The following APC2 variants were observed in gnomAD, a reference collection of about 807,000 sequenced individuals.
APC2 encodes the protein adenomatous polyposis coli protein 2.
APC2 carries 41 observed loss-of-function variants against 72.5 expected under a neutral mutation model. The observed-to-expected ratio is 0.57, with a 90% CI of 0.44 to 0.73. The LOEUF is 0.73. APC2 is among the 30% of genes least tolerant of loss of function. APC2 has a pLI of 0.00. For missense variants in APC2, 3,729 were observed against 3,403.4 expected, an observed-to-expected ratio of 1.10 and a Z score of -2.38; for synonymous variants, 1,898 against 1,612.0, an observed-to-expected ratio of 1.18 and a Z score of -4.25.
chr19:1,458,927 G>A (rs893051991), intron 10 of APC2, among the ~76,000 whole-genome samples: 9 of 151,972 alleles, frequency 5.9e-5, no homozygotes, highest in Admixed American at 2.0e-4. Context: ...CGGGTGATCC[G>A]CCCACCTCGG....
chr19:1,463,711 C>T (rs969077793), intron 14 of APC2, among the ~76,000 whole-genome samples: 12 of 151,980 alleles, frequency 7.9e-5, no homozygotes, highest in Admixed American at 7.2e-4. Context: ...GATCACGCTA[C>T]TGCACTCCAG....
chr19:1,463,775 ATAAC>A (rs1406819258), intron 14 of APC2, among the ~76,000 whole-genome samples: 1 of 152,066 alleles, frequency 6.6e-6, no homozygotes, highest in African/African-American at 2.4e-5. Flanking sequence ...TCATATTAAT[ATAAC>A]TGTCTTCATT....
chr19:1,467,893 C>T lies in APC2; in HGVS notation c.4592C>T (p.Ser1531Leu), dbSNP rs1044001898. The T allele has an allele frequency of 3.8e-6, 6 of 1,580,612 alleles. No homozygotes were observed. In the African/African-American group the frequency reaches 5.5e-5, roughly 14 times the overall value. ...CCCACGCCAACCCACCGGCGCACAT[C>T]GGCCATCCCTCGCGCTTTTACGCGG... Reference protein sequence around the residue: ...AAPTPTHRRTSAIPRAFTRER... With the variant: ...AAPTPTHRRTLAIPRAFTRER... The change falls in exon 15 of 15, where the codon TCG (serine) becomes TTG (leucine). Residue 1531 changes from serine (S) to leucine (L), a missense_variant. Physicochemically the swap from Ser to Leu is moderately radical, Grantham distance 145. Coordinates refer to ENST00000590469, the MANE Select transcript of APC2 (RefSeq NM_005883.3).
In APC2 at chr19:1,465,593, G is replaced by C. The variant is rs1286099904; in HGVS notation, c.2292G>C (p.Leu764=). ...AGCCGCTGCCGCCCCTGCGACACCTGGACGGCCTGGCCCAAGACTATGCTT... is the reference window on the plus strand; with the variant it reads ...AGCCGCTGCCGCCCCTGCGACACCTCGACGGCCTGGCCCAAGACTATGCTT... ...TKKPLPPLRH[L]DGLAQDYASD... Residue 764 remains leucine, a synonymous_variant, in exon 15 of 15, where the codon CTG becomes CTC. Coordinates refer to ENST00000590469, the MANE Select transcript of APC2 (RefSeq NM_005883.3). 2 of 1,584,180 alleles carry C rather than the reference G, an allele frequency of 1.3e-6. No individual in the cohort carries two copies. The highest frequency in any genetic ancestry group is 1.7e-6 in the Non-Finnish European group (2 of 1,166,934).
chr19:1,462,150 G>C lies in APC2; in HGVS notation c.1826G>C (p.Ser609Thr). 4 of 1,608,692 alleles carry C rather than the reference G, an allele frequency of 2.5e-6. No individual in the cohort carries two copies. The highest frequency in any genetic ancestry group is 3.4e-6 in the Non-Finnish European group (4 of 1,178,820). Residue 609 changes from serine to threonine, a missense_variant, in exon 14 of 15, where the codon AGC (serine) becomes ACC (threonine). Physicochemically the swap from Ser to Thr is moderately conservative, Grantham distance 58 (BLOSUM62 1). Transcript: ENST00000590469. ...SGGGILRNVS[S>T]LVATREDYRQ... ...GGCGGCATCCTCCGCAATGTGTCCA[G>C]CCTCGTCGCCACCCGTGAGGACTAC...
At chr19:1,450,098 T>C (rs557587357), upstream of APC2, 247 of 973,076 alleles carry the variant, frequency 2.5e-4, no homozygotes, top group Admixed American at 3.1e-4. Flanking sequence ...CCCGCATCCC[T>C]CATCCCGCAT....
intron 9 of APC2, chr19:1,457,486 C>T (rs2145199808): frequency 3.5e-6 from 2 of 578,738 alleles, no homozygotes; most frequent in South Asian, 2.4e-5. Flanking sequence ...TCGTGGGTAA[C>T]TCTGGAAAGT....
Position 1,469,268 on chromosome 19 carries a change from G to C in APC2, c.5967G>C (p.Ser1989=). 2.1e-6 allele frequency: 3 copies of C among 1,426,634 alleles called. No individual in the cohort carries two copies. Among genetic ancestry groups the C allele is most frequent in the African/African-American group, 1.5e-5 (1 of 66,718 alleles). The allele number at this position is 1,426,634 out of a possible 1,614,324, so 88.4% of individuals were successfully genotyped here. ...GCGGCAGCGAGTCCTCCGACCGCTCGGGCTTCCGGCGACAGCTAACCTTCA... is the reference window on the plus strand; with the variant it reads ...GCGGCAGCGAGTCCTCCGACCGCTCCGGCTTCCGGCGACAGCTAACCTTCA... ...LSSGSESSDR[S]GFRRQLTFIK... The change falls in exon 15 of 15, where the codon TCG becomes TCC. Residue 1989 remains serine, a synonymous_variant. Transcript: ENST00000590469.
intron 13 of APC2, chr19:1,461,499 G>A: frequency 2.6e-6 from 1 of 383,456 alleles, no homozygotes; most frequent in African/African-American, 2.1e-5. Context: ...AACCTAGGAG[G>A]CGGAGGTTGC....
chr19:1,464,936 CTTTT>C (rs78166202), intron 14 of APC2, among the ~76,000 whole-genome samples: 4 of 142,754 alleles, frequency 2.8e-5, no homozygotes, highest in Middle Eastern at 7.2e-3. Flanking sequence ...CCCGGCCTAC[CTTTT>C]TTTTTTTTTT....
chr19:1,459,486 G>C (rs368206264), intron 10 of APC2, among the ~76,000 whole-genome samples: 284 of 152,330 alleles, frequency 1.9e-3, no homozygotes, highest in African/African-American at 6.6e-3. Context: ...TCCTGGCTCT[G>C]TGAATCGTGC....
At position 1,465,973 on chromosome 19, in the gene APC2, C is replaced by A. The variant is rs1221091751; in HGVS notation, c.2672C>A (p.Ser891Tyr). Residue 891 changes from serine to tyrosine, a missense_variant, in exon 15 of 15, where the codon TCC becomes TAC. Ser to Tyr is a moderately radical substitution (Grantham distance 144). Coordinates refer to ENST00000590469, the MANE Select transcript of APC2 (RefSeq NM_005883.3). The part of the protein sequence containing the change: ...QEAPREGRAQ[S>Y]CSPCRGPEGG... Reference sequence around the variant, plus strand: ...GCGCCACGGGAGGGCCGCGCCCAGTCCTGCTCGCCATGCCGCGGCCCGGAG... The same window carrying A: ...GCGCCACGGGAGGGCCGCGCCCAGTACTGCTCGCCATGCCGCGGCCCGGAG... 6 of 1,543,652 alleles carry A rather than the reference C, an allele frequency of 3.9e-6. No individual in the cohort carries two copies. Among genetic ancestry groups the A allele is most frequent in the Non-Finnish European group, 5.2e-6 (6 of 1,154,756 alleles).
chr19:1,461,693 A>G (rs2083926672), intron 13 of APC2: 3 of 472,832 alleles, frequency 6.3e-6, no homozygotes, highest in East Asian at 3.6e-5. Flanking sequence ...TCTACTAAAA[A>G]TACAAAAAAT....
intron 14 of APC2, 67 bp from the exon 15 acceptor site, chr19:1,465,088 C>G (rs2083984774): frequency 1.3e-6 from 2 of 1,528,934 alleles, no homozygotes. Flanking sequence ...CACATCTGGC[C>G]CCCCCATCCT....
Position 1,469,324 on chromosome 19 carries a change from G to A in APC2, c.6023G>A (p.Arg2008His). The part of the protein sequence containing the change: ...IKESPGLRRR[R>H]SELSSAESAA... ...GAGTCGCCGGGCTTGCGGCGCCGCC[G>A]CTCCGAGCTGTCCTCGGCCGAGTCC... is the stretch of plus-strand genomic sequence containing the variant. Residue 2008 changes from arginine to histidine, a missense_variant, in exon 15 of 15, where the codon CGC becomes CAC. Transcript: ENST00000590469. The A allele has an allele frequency of 4.3e-6, 6 of 1,409,550 alleles. No homozygotes were observed. The highest frequency in any genetic ancestry group is 2.6e-5 in the Admixed American group (1 of 39,022). The allele number at this position is 1,409,550 out of a possible 1,614,324, so 87.3% of individuals were successfully genotyped here. A position where few individuals can be genotyped will look rare whatever the true frequency, so the allele number is the denominator to read the frequency against.
chr19:1,446,310 G>A (rs911409947), upstream of APC2: 159 of 984,752 alleles, frequency 1.6e-4, no homozygotes, highest in Non-Finnish European at 1.8e-4. This position sits in a 1 kb window ranked among gnomAD's most constrained non-coding sequence, Gnocchi z 6.1. Context: ...GGGCTCCTGA[G>A]CCTGCTGCAC....
intron 10 of APC2, chr19:1,458,709 G>C (rs2083877426): frequency 1.3e-5 from 2 of 152,042 alleles, no homozygotes; most frequent in African/African-American, 2.4e-5. Flanking sequence ...GTCTCAAAAA[G>C]AAAAGTCTTG....
intron 4 of APC2, 77 bp downstream of exon 4, chr19:1,453,688 C>T (rs368038967): frequency 6.6e-7 from 1 of 1,512,092 alleles, no homozygotes. Flanking sequence ...CTCTAATTCG[C>T]CCACCCGCAT....
chr19:1,456,106 A>C lies in APC2; in HGVS notation c.670A>C (p.Lys224Gln). 6.3e-7 allele frequency: 1 copy of C among 1,591,012 alleles called. No homozygotes were observed. The change falls in exon 7 of 15, where the codon AAG (lysine) becomes CAG (glutamine). Residue 224 changes from lysine to glutamine, a missense_variant. Transcript: ENST00000590469. ...CGCCTCGCGCCTGGAGCAGATTGAC[A>C]AGGAGCTGCTGGAGGCGCAGGACCG... is the stretch of plus-strand genomic sequence containing the variant. The part of the protein sequence containing the change: ...IRASRLEQID[K>Q]ELLEAQDRVQ...
Sources: gnomAD v4.1 joint callset for allele counts (sites outside exome capture counted in the v4.1 genomes callset) on GRCh38, gnomAD v4.1.1 for gene constraint, Gnocchi (gnomAD v3.1) non-coding constraint, MANE v1.5 for transcripts, NCBI Gene and HGNC (gene_info 2026-07-23, HGNC 2026-07-21) for gene names.